DOCK1: variants seen among roughly 807,000 people sequenced by gnomAD.
The protein encoded by DOCK1 is dedicator of cytokinesis protein 1.
In DOCK1, 138 loss-of-function variants were observed where a neutral mutation model predicts 262.7. The observed-to-expected ratio is 0.53, with a 90% CI of 0.46 to 0.61. The LOEUF is 0.61. DOCK1 is among the 20% of genes least tolerant of loss of function. The pLI is 0.00. For missense variants in DOCK1, 1,908 were observed against 2,370.7 expected (o/e 0.80, Z 4.05); for synonymous variants, 866 against 867.4 (o/e 1.00, Z 0.03).
At chr10:127,363,033 A>G (rs1464448552) in intron 33 of DOCK1, among the ~76,000 whole-genome samples, 3 of 138,402 alleles carry the variant, frequency 2.2e-5, no homozygotes, top group South Asian at 2.3e-4. Context: ...ACACACATGC[A>G]CCTCCCCCCA....
At chr10:127,096,363 C>T (rs753137288) in intron 23 of DOCK1, among the ~76,000 whole-genome samples, 16 of 152,170 alleles carry the variant, frequency 1.1e-4, no homozygotes, top group Non-Finnish European at 2.4e-4. Context: ...TCTGTTTTTC[C>T]GGAGGCTGTT....
At chr10:126,906,834 A>C (rs7086234) in intron 1 of DOCK1, among the ~76,000 whole-genome samples, 92,569 of 152,144 alleles carry the variant, frequency 0.61, 31,920 homozygotes, top group South Asian at 0.79. Context: ...CCACGGAGCC[A>C]GCTGGACAGT....
chr10:127,341,685 C>T (rs1228047896), intron 30 of DOCK1, among the ~76,000 whole-genome samples: 1 of 152,138 alleles, frequency 6.6e-6, no homozygotes. Context: ...CATGTTGGTT[C>T]TCCCTGGCTT....
chr10:127,403,231 G>C, intron 39 of DOCK1, 87 bp downstream of exon 39: 1 of 1,378,032 alleles, frequency 7.3e-7, no homozygotes, highest in Non-Finnish European at 1.0e-6. Context: ...CAATGTTAGG[G>C]TTCACCCCAG....
chr10:127,191,186 C>T (rs551196016), intron 27 of DOCK1, among the ~76,000 whole-genome samples: 30 of 152,226 alleles, frequency 2.0e-4, no homozygotes, highest in African/African-American at 6.5e-4. Flanking sequence ...CGAAGTGAGC[C>T]GGGGCATCAC....
In DOCK1 at chr10:127,125,542, C is replaced by T; in HGVS notation, c.2692C>T (p.Leu898=). The T allele has an allele frequency of 6.2e-7, 1 of 1,613,860 alleles. No individual in the cohort carries two copies. The highest frequency in any genetic ancestry group is 8.5e-7 in the Non-Finnish European group (1 of 1,179,852). ...LKYHLERQED[L]EACCQLLSHI... is the part of the protein sequence containing the mutation. ...GTACCATCTGGAGAGACAGGAGGAC[C>T]TGGAGGCCTGCTGTCAGCTGCTCAG... The change falls in exon 26 of 52, where the codon CTG becomes TTG. Residue 898 remains leucine (L), a synonymous_variant. Transcript: ENST00000623213.
At chr10:127,112,779 T>C (rs2048944892) in intron 25 of DOCK1, among the ~76,000 whole-genome samples, 1 of 152,226 alleles carries the variant, frequency 6.6e-6, no homozygotes, top group Non-Finnish European at 1.5e-5. Context: ...GTAGAAGTTG[T>C]CTAAGCTGTA....
chr10:127,260,763 C>A (rs1391375411), intron 29 of DOCK1, among the ~76,000 whole-genome samples: 2 of 112,084 alleles, frequency 1.8e-5, no homozygotes, highest in East Asian at 2.7e-4. Flanking sequence ...CCGTGCTCAT[C>A]TGTGTGTGTG....
At chr10:126,948,848 C>G (rs1366953573) in intron 1 of DOCK1, among the ~76,000 whole-genome samples, 2 of 152,062 alleles carry the variant, frequency 1.3e-5, no homozygotes, top group Non-Finnish European at 2.9e-5. Flanking sequence ...TATGCCTTTC[C>G]TGAGGTTGGG....
chr10:127,125,108 C>T (rs2049864836), intron 25 of DOCK1, among the ~76,000 whole-genome samples: 1 of 152,168 alleles, frequency 6.6e-6, no homozygotes, highest in African/African-American at 2.4e-5. Context: ...CAGAGCAAGA[C>T]TCCGTCTCAA....
chr10:127,260,838 CGT>C (rs1366112684), intron 29 of DOCK1, among the ~76,000 whole-genome samples: 19 of 62,222 alleles, frequency 3.1e-4, no homozygotes, highest in Middle Eastern at 0.017. Context: ...CATGGGTGTG[CGT>C]GTGTGTACCC....
intron 1 of DOCK1, among the ~76,000 whole-genome samples, chr10:126,965,792 G>T (rs2037629748): frequency 6.6e-6 from 1 of 152,116 alleles, no homozygotes; most frequent in African/African-American, 2.4e-5. Context: ...TATTTATGGG[G>T]TACACCTTCA....
At position 127,381,347 on chromosome 10, in the gene DOCK1, T is replaced by C. The variant is rs780382083; in HGVS notation, c.3786T>C (p.Leu1262=). Residue 1262 remains leucine, a synonymous_variant, in exon 37 of 52, where the codon CTT becomes CTC. Coordinates refer to ENST00000623213, the MANE Select transcript of DOCK1 (RefSeq NM_001290223.2). ...ACACCGAAGCGGCTTACACCTTGCTTCTCCATGCAAAGCTTCTTAAGGTAA... is the reference window on the plus strand; with the variant it reads ...ACACCGAAGCGGCTTACACCTTGCTCCTCCATGCAAAGCTTCTTAAGGTAA... ...DNYTEAAYTL[L]LHAKLLKWSE... 7 of 1,612,146 alleles carry C rather than the reference T, an allele frequency of 4.3e-6. No individual in the cohort carries two copies. Among genetic ancestry groups the C allele is most frequent in the Non-Finnish European group, 5.9e-6 (7 of 1,178,732 alleles).
intron 11 of DOCK1, among the ~76,000 whole-genome samples, chr10:127,011,579 G>A (rs1343581383): frequency 1.3e-5 from 2 of 152,202 alleles, no homozygotes. Flanking sequence ...CTCTCGTACA[G>A]CGCAGCATCT....
chr10:126,928,497 CAGCTGTGTCCTGAG>C (rs1174363241), intron 1 of DOCK1, among the ~76,000 whole-genome samples: 3 of 151,522 alleles, frequency 2.0e-5, no homozygotes, highest in Non-Finnish European at 4.4e-5. Context: ...CATGAGAACT[CAGCTGTGTCCTGAG>C]AGCTGTGTCC....
rs376061425 is a variant in DOCK1 at position 127,175,533 on chromosome 10, C to T, written c.2847+47769C>T. ...CCCGTTGAGATGTGTGGCTCTCCTC[C>T]GCTCGTCATCTGCCGGGCAGAGTGA... On this transcript the variant is annotated intron_variant, in intron 27 of 51. Transcript: ENST00000623213. This position sits in a 1 kb window ranked among gnomAD's most constrained non-coding sequence, Gnocchi z 6.3. The T allele has an allele frequency of 4.0e-5, 64 of 1,610,120 alleles. No individual in the cohort carries two copies. In the African/African-American group the frequency reaches 6.0e-4, roughly 15 times the overall value.
intron 30 of DOCK1, 61 bp from the exon 31 acceptor site, chr10:127,343,585 T>C: frequency 1.6e-6 from 2 of 1,287,356 alleles, no homozygotes; most frequent in South Asian, 2.7e-5. Flanking sequence ...TCTGAGAGCA[T>C]TGTTGAGATC....
intron 51 of DOCK1, among the ~76,000 whole-genome samples, chr10:127,449,188 C>T (rs939821480): frequency 6.6e-6 from 1 of 152,162 alleles, no homozygotes; most frequent in Admixed American, 6.5e-5. Context: ...CCGGACCTTC[C>T]CCGGCCATTT....
intron 38 of DOCK1, among the ~76,000 whole-genome samples, chr10:127,385,119 T>C (rs1277777017): frequency 2.0e-5 from 3 of 152,186 alleles, no homozygotes; most frequent in African/African-American, 7.2e-5. Context: ...ATAGATGCTC[T>C]AAAAAAGCAC....
Sources: gnomAD v4.1 joint callset for allele counts (sites outside exome capture counted in the v4.1 genomes callset) on GRCh38, gnomAD v4.1.1 for gene constraint, Gnocchi (gnomAD v3.1) non-coding constraint, MANE v1.5 for transcripts, NCBI Gene and HGNC (gene_info 2026-07-23, HGNC 2026-07-21) for gene names.